The following CDH12 variants were observed in gnomAD, a reference collection of about 807,000 sequenced individuals.
CDH12 encodes cadherin 12, also known as cadherin-12.
CDH12 carries 41 observed loss-of-function variants against 74.1 expected under a neutral mutation model. That is an observed-to-expected ratio of 0.55 (90% confidence interval 0.43 to 0.72). The LOEUF (loss-of-function observed/expected upper bound fraction) is 0.72. CDH12 is among the 30% of genes least tolerant of loss of function. The pLI is 0.00. For synonymous variants in CDH12, 399 were observed against 355.0 expected (o/e 1.12, Z -1.39); for missense variants, 945 against 977.2 (o/e 0.97, Z 0.44).
At chr5:22,580,050 T>A (rs1740003032) in intron 1 of CDH12, among the ~76,000 whole-genome samples, 1 of 152,148 alleles carries the variant, frequency 6.6e-6, no homozygotes, top group South Asian at 2.1e-4. Context: ...TATCACCTTT[T>A]TAGCCAACGA....
At chr5:21,868,273 G>A (rs145919926) in intron 6 of CDH12, among the ~76,000 whole-genome samples, 1,898 of 149,046 alleles carry the variant, frequency 0.013, 22 homozygotes, top group African/African-American at 0.037. Context: ...TTTGTAAATT[G>A]CCCAGTCTCC....
chr5:22,712,656 T>A (rs1350853744), intron 1 of CDH12, among the ~76,000 whole-genome samples: 6 of 152,192 alleles, frequency 3.9e-5, no homozygotes, highest in Non-Finnish European at 7.3e-5. Flanking sequence ...TATTTATTAT[T>A]TTTTGTCCTT....
At chr5:22,007,408 A>G (rs1301910295) in intron 5 of CDH12, among the ~76,000 whole-genome samples, 1 of 152,098 alleles carries the variant, frequency 6.6e-6, no homozygotes, top group Non-Finnish European at 1.5e-5. Flanking sequence ...CACAATGTAT[A>G]CATAGTCCAA....
chr5:21,880,603 CCTTCCTT>C (rs2150031224), intron 6 of CDH12, among the ~76,000 whole-genome samples: 3 of 62,386 alleles, frequency 4.8e-5, no homozygotes, highest in African/African-American at 1.7e-4. Flanking sequence ...TTCCTTCCTT[CCTTCCTT>C]CCTTCCTTCT....
At chr5:21,833,329 T>TTATA (rs1222698730) in intron 8 of CDH12, among the ~76,000 whole-genome samples, 6 of 59,894 alleles carry the variant, frequency 1.0e-4, no homozygotes, top group African/African-American at 1.4e-4. Context: ...ATAATATATA[T>TTATA]TATATATTAT....
chr5:22,404,952 A>C (rs959163022), intron 3 of CDH12, among the ~76,000 whole-genome samples: 1 of 152,194 alleles, frequency 6.6e-6, no homozygotes. Flanking sequence ...GCTCACGCCT[A>C]TAATTCCAGC....
At chr5:22,771,024 T>C (rs550616784) in intron 1 of CDH12, among the ~76,000 whole-genome samples, 2 of 152,220 alleles carry the variant, frequency 1.3e-5, no homozygotes, top group East Asian at 3.9e-4. Flanking sequence ...CTCAACATAG[T>C]AAATGATAAT....
At chr5:22,204,053 C>G (rs1220205160) in intron 4 of CDH12, among the ~76,000 whole-genome samples, 1 of 152,108 alleles carries the variant, frequency 6.6e-6, no homozygotes, top group Non-Finnish European at 1.5e-5. Context: ...GAGAACATAT[C>G]TATAAACTAT....
chr5:22,470,885 A>G (rs1262075594), intron 2 of CDH12, among the ~76,000 whole-genome samples: 1 of 142,020 alleles, frequency 7.0e-6, no homozygotes, highest in Non-Finnish European at 1.5e-5. Context: ...TTTCTTCAAC[A>G]CTCCTGCTAC....
chr5:22,598,897 T>G (rs192407), intron 1 of CDH12, among the ~76,000 whole-genome samples: 51,379 of 151,940 alleles, frequency 0.34, 9,158 homozygotes, highest in African/African-American at 0.44. Flanking sequence ...AAGTAAGTGG[T>G]TCCCTGACAT....
At chr5:21,762,201 T>G (rs991059157) in intron 12 of CDH12, among the ~76,000 whole-genome samples, 3 of 152,094 alleles carry the variant, frequency 2.0e-5, no homozygotes, top group Non-Finnish European at 4.4e-5. Context: ...ATAACTAGAA[T>G]AAAGAAAAGT....
chr5:22,789,896 T>C (rs1747823159), intron 1 of CDH12, among the ~76,000 whole-genome samples: 1 of 151,946 alleles, frequency 6.6e-6, no homozygotes, highest in Non-Finnish European at 1.5e-5. Flanking sequence ...CTTAAGTTAC[T>C]TTTTCTGTCC....
rs905911075 is a variant in CDH12, at chr5:22,735,991, T to TA, written c.-523+117066dup. 5.6e-4 allele frequency among the ~76,000 whole-genome samples: 85 copies of TA among 151,956 alleles called. 1 individual carries two copies. The highest frequency in any genetic ancestry group is 8.1e-4 in the Non-Finnish European group (55 of 67,820). The stretch of plus-strand genomic sequence containing the variant: ...ATATTATTTTGGAATAATTCCAACA[T>TA]AAATATAATTCATATTCTGATTTTC... On this transcript the variant is annotated intron_variant, in intron 1 of 14. Transcript: ENST00000382254.
At chr5:22,833,755 A>G (rs1193751385) in intron 1 of CDH12, among the ~76,000 whole-genome samples, 2 of 152,202 alleles carry the variant, frequency 1.3e-5, no homozygotes, top group Non-Finnish European at 2.9e-5. Context: ...TAATATTGTA[A>G]CAGTCATTTG....
Position 21,752,239 on chromosome 5 carries a change from G to A in CDH12, c.1886-3C>T, listed in dbSNP as rs761863278. 6.4e-7 allele frequency: 1 copy of A among 1,566,380 alleles called. No individual in the cohort carries two copies. Among genetic ancestry groups the A allele is most frequent in the Non-Finnish European group, 8.6e-7 (1 of 1,157,484 alleles). Reference sequence around the variant, plus strand: ...TGCTACATACAGTACAACTATGGCTGGAACAAGACAAAAATTGCAATTTGA... The same window carrying A: ...TGCTACATACAGTACAACTATGGCTAGAACAAGACAAAAATTGCAATTTGA... On this transcript the variant is annotated splice_polypyrimidine_tract_variant and splice_region_variant and intron_variant, in intron 14 of 14. Transcript: ENST00000382254.
intron 8 of CDH12, among the ~76,000 whole-genome samples, chr5:21,824,634 G>A (rs746014720): frequency 3.9e-5 from 6 of 151,974 alleles, no homozygotes; most frequent in African/African-American, 7.3e-5. Flanking sequence ...AGCATGAGAC[G>A]CATATCATTC....
At chr5:22,313,238 CTT>C (rs564830582) in intron 3 of CDH12, among the ~76,000 whole-genome samples, 2 of 152,032 alleles carry the variant, frequency 1.3e-5, no homozygotes, top group Non-Finnish European at 2.9e-5. Flanking sequence ...GGGTATTAAA[CTT>C]TTTTATCAAG....
chr5:21,840,427 G>T (rs1749772501), intron 8 of CDH12, among the ~76,000 whole-genome samples: 1 of 130,678 alleles, frequency 7.7e-6, no homozygotes, highest in East Asian at 2.1e-4. Context: ...CTGAAGATTT[G>T]TAATTTTTTT....
intron 6 of CDH12, among the ~76,000 whole-genome samples, chr5:21,942,345 TATACACACACAC>T (rs1488980534): frequency 1.0e-5 from 1 of 99,082 alleles, no homozygotes; most frequent in Non-Finnish European, 2.0e-5. Context: ...TATATATATA[TATACACACACAC>T]ACACACACAC....
Sources: gnomAD v4.1 joint callset for allele counts (sites outside exome capture counted in the v4.1 genomes callset) on GRCh38, gnomAD v4.1.1 for gene constraint, MANE v1.5 for transcripts, NCBI Gene and HGNC (gene_info 2026-07-23, HGNC 2026-07-21) for gene names.